KATNBL1: variants seen among roughly 807,000 people sequenced by gnomAD.
KATNBL1 encodes the protein katanin regulatory subunit B1 like 1.
In KATNBL1, 28 loss-of-function variants were observed where a neutral mutation model predicts 44.7. That is an observed-to-expected ratio of 0.63 (90% CI 0.46 to 0.86). KATNBL1 has a LOEUF of 0.86. Ranked by LOEUF, KATNBL1 falls within the 40% of genes least tolerant of loss-of-function variation. The pLI is 0.00. For missense variants in KATNBL1, 272 were observed against 350.7 expected (o/e 0.78, Z 1.79); for synonymous variants, 78 against 114.9 (o/e 0.68, Z 2.06).
chr15:34,189,100 G>A (rs1023627800), intron 1 of KATNBL1, among the ~76,000 whole-genome samples: 2 of 151,580 alleles, frequency 1.3e-5, no homozygotes, highest in African/African-American at 2.4e-5. Context: ...GTGTGATCTC[G>A]GCTCACCACA....
intron 1 of KATNBL1, among the ~76,000 whole-genome samples, chr15:34,191,069 T>C (rs1299688621): frequency 6.6e-6 from 1 of 151,192 alleles, no homozygotes; most frequent in Non-Finnish European, 1.5e-5. Flanking sequence ...AAAACAAAAC[T>C]TAAAATGTAT....
chr15:34,189,446 T>C (rs1466457183), intron 1 of KATNBL1, among the ~76,000 whole-genome samples: 6 of 152,254 alleles, frequency 3.9e-5, no homozygotes, highest in African/African-American at 1.2e-4. Flanking sequence ...AAGTCTCTCT[T>C]GGACTTCAGG....
rs1436248591 is a variant in KATNBL1, at chr15:34,181,851, TAGTCC to T, written c.-14-18166_-14-18162del. Among the ~76,000 whole-genome samples, 24 of 57,194 alleles carry T rather than the reference TAGTCC, an allele frequency of 4.2e-4. 2 individuals are homozygous for T. The highest frequency in any genetic ancestry group is 1.0e-3 in the African/African-American group (15 of 14,544). 37.5% of individuals were successfully genotyped at this position (57,194 alleles called of 152,430 possible). A position where few individuals can be genotyped will look rare whatever the true frequency, so the allele number is the denominator to read the frequency against. ...ATATCCATATATATACACATATATA[TAGTCC>T]ATATATATATATCCATATATATATA... On this transcript the variant is annotated intron_variant, in intron 1 of 9. Transcript: ENST00000256544.
At chr15:34,203,003 T>A (rs1890208984) in intron 1 of KATNBL1, among the ~76,000 whole-genome samples, 1 of 151,860 alleles carries the variant, frequency 6.6e-6, no homozygotes, top group Non-Finnish European at 1.5e-5. Flanking sequence ...AAAATAAAAA[T>A]AAATAAATAA....
intron 1 of KATNBL1, among the ~76,000 whole-genome samples, chr15:34,195,746 T>A (rs1890014246): frequency 6.6e-6 from 1 of 151,462 alleles, no homozygotes; most frequent in African/African-American, 2.4e-5. Context: ...ATAATTTTTT[T>A]AATTGTAACT....
chr15:34,170,302 A>C (rs1414873638), intron 1 of KATNBL1, among the ~76,000 whole-genome samples: 1 of 152,170 alleles, frequency 6.6e-6, no homozygotes, highest in Non-Finnish European at 1.5e-5. Context: ...ATAACAGACA[A>C]ACAGAGCCAA....
chr15:34,144,354 G>A (rs1219034989), intron 9 of KATNBL1, among the ~76,000 whole-genome samples: 2 of 151,530 alleles, frequency 1.3e-5, no homozygotes, highest in Admixed American at 6.6e-5. Flanking sequence ...TGAATTCTAA[G>A]AAGTTGTTTT....
intron 9 of KATNBL1, chr15:34,145,132 T>C: frequency 8.8e-7 from 1 of 1,137,478 alleles, no homozygotes; most frequent in Non-Finnish European, 1.1e-6. Flanking sequence ...TCAAATACTT[T>C]TCTCTGATTA....
intron 4 of KATNBL1, among the ~76,000 whole-genome samples, chr15:34,152,059 G>A (rs867671567): frequency 5.3e-4 from 80 of 151,288 alleles, no homozygotes; most frequent in African/African-American, 1.9e-3. Flanking sequence ...TTCTGCCTCA[G>A]CCTCCCAAGC....
chr15:34,202,178 A>T (rs1008750179), intron 1 of KATNBL1, among the ~76,000 whole-genome samples: 1 of 152,178 alleles, frequency 6.6e-6, no homozygotes, highest in African/African-American at 2.4e-5. Flanking sequence ...GGTATTTCTG[A>T]TACTTTCAAA....
rs780769823 is a variant in KATNBL1 at position 34,142,298 on chromosome 15, A to T, written c.*41T>A. 8.9e-6 allele frequency: 14 copies of T among 1,570,156 alleles called. No homozygotes were observed. In the East Asian group the frequency reaches 3.2e-4, roughly 36 times the overall value. ...TTTTTGTAAATTATACAGTTCAGGG[A>T]TGTTTTGAAAAACCAAATGCTCTTT... On this transcript the variant is annotated 3_prime_UTR_variant, in exon 10 of 10. Transcript: ENST00000256544.
At chr15:34,167,854 G>A (rs1174764626) in intron 1 of KATNBL1, among the ~76,000 whole-genome samples, 1 of 152,132 alleles carries the variant, frequency 6.6e-6, no homozygotes, top group Non-Finnish European at 1.5e-5. Context: ...CATAAGTGAA[G>A]GAGAAATAAA....
At chr15:34,206,397 A>C (rs982856653) in intron 1 of KATNBL1, among the ~76,000 whole-genome samples, 1 of 152,252 alleles carries the variant, frequency 6.6e-6, no homozygotes, top group Non-Finnish European at 1.5e-5. Context: ...AATGGTAAAT[A>C]TAACGCAGAA....
intron 2 of KATNBL1, among the ~76,000 whole-genome samples, chr15:34,159,389 T>C (rs73376189): frequency 0.012 from 1,777 of 152,082 alleles, 39 homozygotes; most frequent in African/African-American, 0.041. Context: ...ACAGGGTGGG[T>C]GGTTTGGACT....
chr15:34,148,721 T>C lies in KATNBL1; in HGVS notation c.468A>G (p.Gln156=), dbSNP rs778381980. The C allele has an allele frequency of 6.2e-7, 1 of 1,612,264 alleles. No individual in the cohort carries two copies. The highest frequency in any genetic ancestry group is 1.1e-5 in the South Asian group (1 of 91,038). The change falls in exon 5 of 10, where the codon CAA becomes CAG. Residue 156 remains glutamine, a synonymous_variant. Coordinates refer to ENST00000256544, the MANE Select transcript of KATNBL1 (RefSeq NM_024713.3). ...ATCTCATATTCCTGCTGAACAAAAC[T>C]TGGGCCATTGTTTCATGGTCCTGAG... ...EVSQDHETMA[Q]VLFSRNMRLN...
chr15:34,178,540 G>A (rs983502510), intron 1 of KATNBL1, among the ~76,000 whole-genome samples: 1 of 152,066 alleles, frequency 6.6e-6, no homozygotes, highest in African/African-American at 2.4e-5. Context: ...GGCAGATCAC[G>A]AGGTCAGGAG....
intron 1 of KATNBL1, among the ~76,000 whole-genome samples, chr15:34,195,515 C>T (rs1175757698): frequency 6.6e-6 from 1 of 152,018 alleles, no homozygotes; most frequent in Non-Finnish European, 1.5e-5. Context: ...TACTGAACCT[C>T]CTGACTTCAC....
intron 2 of KATNBL1, among the ~76,000 whole-genome samples, chr15:34,158,185 C>T (rs1183207378): frequency 1.3e-5 from 2 of 152,178 alleles, no homozygotes. Flanking sequence ...TAAATTGCTA[C>T]ACATCCATAA....
intron 1 of KATNBL1, 35 bp from the exon 2 acceptor site, chr15:34,163,725 C>A (rs1567523526): frequency 1.7e-6 from 2 of 1,206,904 alleles, no homozygotes; most frequent in Non-Finnish European, 1.2e-6. Context: ...ATTAAAACAG[C>A]AAAAAGAGTC....
Sources: allele counts gnomAD v4.1 joint callset (sites outside exome capture counted in the v4.1 genomes callset), GRCh38; gene constraint gnomAD v4.1.1; transcripts MANE v1.5; gene names NCBI Gene and HGNC (gene_info 2026-07-23, HGNC 2026-07-21).